Variants in DNM1 observed in about 807,000 individuals in gnomAD.
DNM1 encodes dynamin-1.
In DNM1, 29 loss-of-function variants were observed where a neutral mutation model predicts 104.6. The observed-to-expected ratio is 0.28, with a 90% confidence interval of 0.21 to 0.38. DNM1 has a LOEUF of 0.38. Among genes scored for constraint, DNM1 ranks in the 10% least tolerant of loss-of-function variants. The pLI, the probability that DNM1 is intolerant of heterozygous loss-of-function variation, is 1.00. For missense variants in DNM1, 640 were observed against 1,189.4 expected (o/e 0.54, Z 6.79); for synonymous variants, 445 against 475.8 (o/e 0.94, Z 0.84).
intron 1 of DNM1, among the ~76,000 whole-genome samples, chr9:128,217,861 CTG>C (rs1376647005): frequency 6.6e-6 from 1 of 152,182 alleles, no homozygotes; most frequent in Non-Finnish European, 1.5e-5. Context: ...GGGATCCACT[CTG>C]TGGGCATTGG....
rs1211113169 is a variant in DNM1, at chr9:128,203,549, G to T, written c.79G>T (p.Ala27Ser). ...QDAFSAIGQNADLDLPQIAVV... is the reference protein window; with the variant it reads ...QDAFSAIGQNSDLDLPQIAVV... ...CGCCTTCTCTGCCATCGGCCAGAACGCGGACCTCGACCTGCCGCAGATCGC... is the reference window on the plus strand; with the variant it reads ...CGCCTTCTCTGCCATCGGCCAGAACTCGGACCTCGACCTGCCGCAGATCGC... Residue 27 changes from alanine (A) to serine (S), a missense_variant, in exon 1 of 22, where the codon GCG becomes TCG. Transcript: ENST00000372923. The surrounding 1 kb of genome is among the most constrained non-coding windows in gnomAD (Gnocchi z 5.3). The T allele has an allele frequency of 1.3e-6, 2 of 1,548,320 alleles. No individual in the cohort carries two copies. Among genetic ancestry groups the T allele is most frequent in the Non-Finnish European group, 1.7e-6 (2 of 1,150,630 alleles).
At chr9:128,231,967 G>C (rs759073111) in intron 10 of DNM1, 1 of 456,472 alleles carries the variant, frequency 2.2e-6, no homozygotes, top group Non-Finnish European at 4.4e-6. Context: ...GCTGAGAGGG[G>C]AACGTTCCTT....
At chr9:128,244,968 T>G in intron 15 of DNM1, 2 of 272,918 alleles carry the variant, frequency 7.3e-6, no homozygotes, top group Non-Finnish European at 7.9e-6. Flanking sequence ...TGCTCCCAAC[T>G]CCCCTTCTGC....
chr9:128,222,667 T>G lies in DNM1; in HGVS notation c.1128+71T>G. On this transcript the variant is annotated intron_variant, in intron 8 of 21. Coordinates refer to ENST00000372923, the MANE Select transcript of DNM1 (RefSeq NM_004408.4). This position sits in a 1 kb window ranked among gnomAD's most constrained non-coding sequence, Gnocchi z 7.8. ...ACCCTCACTCAGGACTCTCTCTGCG[T>G]GTGTTTTTGCTGGCCCCCACCCCAC... 1 of 1,605,298 alleles carries G rather than the reference T, an allele frequency of 6.2e-7. No individual in the cohort carries two copies. Among genetic ancestry groups the G allele is most frequent in the Non-Finnish European group, 8.5e-7 (1 of 1,174,074 alleles).
intron 1 of DNM1, among the ~76,000 whole-genome samples, chr9:128,211,589 C>G (rs1475103799): frequency 6.8e-6 from 1 of 148,014 alleles, no homozygotes; most frequent in Admixed American, 6.8e-5. Flanking sequence ...CAAGCTGGGG[C>G]TTGAACTCCT....
rs78176162 is a variant in DNM1, at chr9:128,241,740, A to G, written c.1558-492A>G. ...TCCTGATTTATACTGGGGGACAGGAAGGGGCTGCCTGAGAATGTGAATCCT... is the reference window on the plus strand; with the variant it reads ...TCCTGATTTATACTGGGGGACAGGAGGGGGCTGCCTGAGAATGTGAATCCT... On this transcript the variant is annotated intron_variant, in intron 14 of 21. Coordinates refer to ENST00000372923, the MANE Select transcript of DNM1 (RefSeq NM_004408.4). 2.9e-3 allele frequency among the ~76,000 whole-genome samples: 441 copies of G among 152,300 alleles called. 10 individuals carry two copies. The East Asian group carries it at 0.067, about 23-fold the overall frequency.
At chr9:128,216,970 A>C (rs951698499) in intron 1 of DNM1, among the ~76,000 whole-genome samples, 1 of 152,174 alleles carries the variant, frequency 6.6e-6, no homozygotes, top group Non-Finnish European at 1.5e-5. Context: ...TGATTCCTGG[A>C]GAGGCCTTCA....
intron 4 of DNM1, 145 bp downstream of exon 4, chr9:128,219,397 G>C (rs1235216868): frequency 1.3e-6 from 1 of 741,322 alleles, no homozygotes; most frequent in African/African-American, 1.8e-5. Flanking sequence ...GGTCAGGCAT[G>C]GTAGCTCATG....
chr9:128,226,017 C>T (rs754890787), intron 10 of DNM1: 1 of 1,612,040 alleles, frequency 6.2e-7, no homozygotes, highest in Non-Finnish European at 8.5e-7. Flanking sequence ...CCTGTCCCCA[C>T]CTCCTCCCCG....
chr9:128,228,840 G>A (rs199597157), intron 10 of DNM1, among the ~76,000 whole-genome samples: 33 of 152,004 alleles, frequency 2.2e-4, no homozygotes, highest in Non-Finnish European at 4.4e-4. Context: ...AAAATTAGAC[G>A]GGCATGGTGG....
rs1444380018 is a variant in DNM1 at position 128,220,080 on chromosome 9, C to T, written c.682C>T (p.Arg228Cys). Residue 228 changes from arginine to cysteine, a missense_variant, in exon 5 of 22, where the codon CGC (arginine) becomes TGC (cysteine). Physicochemically the swap from Arg to Cys is radical, Grantham distance 180. Transcript: ENST00000372923. This position sits in a 1 kb window ranked among gnomAD's most constrained non-coding sequence, Gnocchi z 5.2. ...DVLENKLLPL[R>C]RGYIGVVNRS... ...GCTGGAGAACAAGCTGCTCCCCCTG[C>T]GCAGAGGTAAGCAGGCCATGCCCCT... 5.6e-6 allele frequency: 9 copies of T among 1,613,172 alleles called. No individual in the cohort carries two copies. The highest frequency in any genetic ancestry group is 5.1e-6 in the Non-Finnish European group (6 of 1,179,462).
In DNM1 at chr9:128,220,034, G is replaced by C; in HGVS notation, c.636G>C (p.Glu212Asp). The change falls in exon 5 of 22, where the codon GAG becomes GAC. Residue 212 changes from glutamate (E) to aspartate (D), a missense_variant. Glu to Asp is a conservative substitution (Grantham distance 45, BLOSUM62 2). Coordinates refer to ENST00000372923, the MANE Select transcript of DNM1 (RefSeq NM_004408.4). This position sits in a 1 kb window ranked among gnomAD's most constrained non-coding sequence, Gnocchi z 5.2. ...GVITKLDLMD[E>D]GTDARDVLEN... ...TCACCAAGCTGGACCTGATGGACGAGGGCACAGATGCCCGTGATGTGCTGG... is the reference window on the plus strand; with the variant it reads ...TCACCAAGCTGGACCTGATGGACGACGGCACAGATGCCCGTGATGTGCTGG... 1 of 1,606,524 alleles carries C rather than the reference G, an allele frequency of 6.2e-7. No individual in the cohort carries two copies. Among genetic ancestry groups the C allele is most frequent in the Non-Finnish European group, 8.5e-7 (1 of 1,176,220 alleles).
At chr9:128,233,943 C>T in intron 10 of DNM1, 78 bp from the exon 11 acceptor site, 1 of 1,327,246 alleles carries the variant, frequency 7.5e-7, no homozygotes, top group South Asian at 1.3e-5. Context: ...GCCGCGGATC[C>T]CTGGACTCGT....
intron 1 of DNM1, among the ~76,000 whole-genome samples, chr9:128,212,495 A>G (rs1834360874): frequency 6.6e-6 from 1 of 152,110 alleles, no homozygotes; most frequent in Admixed American, 6.6e-5. Flanking sequence ...GGAAGGAATC[A>G]AGGAAGGAAG....
At chr9:128,221,184 G>A (rs141256778) in intron 6 of DNM1, 3,816 of 152,028 alleles carry the variant, frequency 0.025, 80 homozygotes, top group Non-Finnish European at 0.032. Flanking sequence ...CTGCCTCCTG[G>A]ATTCAAGGGA....
intron 1 of DNM1, among the ~76,000 whole-genome samples, chr9:128,208,896 T>C (rs1195472638): frequency 6.6e-6 from 1 of 152,154 alleles, no homozygotes; most frequent in South Asian, 2.1e-4. Flanking sequence ...AGCCAAGGTG[T>C]GGACTTCCGC....
intron 6 of DNM1, chr9:128,221,063 T>TTCTTTCTC (rs752035964): frequency 3.3e-4 from 44 of 132,412 alleles, no homozygotes; most frequent in African/African-American, 5.8e-4. Context: ...CTTTCTCTCT[T>TTCTTTCTC]TCTTTCTCTC....
chr9:128,254,571 C>A lies in DNM1; in HGVS notation c.2535-83C>A, dbSNP rs1163730709. On this transcript the variant is annotated intron_variant, in intron 21 of 21. Transcript: ENST00000372923. This position sits in a 1 kb window ranked among gnomAD's most constrained non-coding sequence, Gnocchi z 6.1. ...CACCACTGCTGCGGCGCGGCCGGCC[C>A]CGGCCGTGTGCTGCGCTTGCCTTAC... 1.9e-6 allele frequency: 3 copies of A among 1,588,878 alleles called. No homozygotes were observed. Among genetic ancestry groups the A allele is most frequent in the Non-Finnish European group, 2.6e-6 (3 of 1,174,470 alleles).
chr9:128,250,301 C>T lies in DNM1; in HGVS notation c.2263C>T (p.Pro755Ser). Residue 755 changes from proline to serine, a missense_variant, in exon 20 of 22, where the codon CCC (proline) becomes TCC (serine). Around this residue, in one of 7 missense-constraint regions of DNM1, gnomAD observed 129 missense variants for 224.6 expected, o/e 0.57. Coordinates refer to ENST00000372923, the MANE Select transcript of DNM1 (RefSeq NM_004408.4). The part of the protein sequence containing the change: ...INTTTVSTPM[P>S]PPVDDSWLQV... ...CACGACCACCGTCAGCACGCCCATG[C>T]CCCCGCCCGTGGACGACTCCTGGCT... The T allele has an allele frequency of 6.2e-7, 1 of 1,609,926 alleles. No individual in the cohort carries two copies. The highest frequency in any genetic ancestry group is 8.5e-7 in the Non-Finnish European group (1 of 1,178,276).
Sources: gnomAD v4.1 joint callset for allele counts (sites outside exome capture counted in the v4.1 genomes callset) on GRCh38, gnomAD v4.1.1 for gene constraint, gnomAD v4.1.1 regional missense constraint, Gnocchi (gnomAD v3.1) non-coding constraint, MANE v1.5 for transcripts, NCBI Gene and HGNC (gene_info 2026-07-23, HGNC 2026-07-21) for gene names.